The following PMEPA1 variants were observed in gnomAD, a reference collection of about 807,000 sequenced individuals.
PMEPA1 encodes the protein prostate transmembrane protein, androgen induced 1.
In PMEPA1, 11 loss-of-function variants were observed where a neutral mutation model predicts 23.0. The ratio of observed to expected loss-of-function variants is 0.48; its 90% CI spans 0.30 to 0.79. PMEPA1 has a LOEUF of 0.79. Ranked by LOEUF, PMEPA1 falls within the 30% of genes least tolerant of loss-of-function variation. The pLI is 0.06. For missense variants in PMEPA1, 377 were observed against 390.9 expected, an observed-to-expected ratio of 0.96 and a Z score of 0.30; for synonymous variants, 204 against 166.4, an observed-to-expected ratio of 1.23 and a Z score of -1.74.
chr20:57,675,450 G>C (rs1213587838), intron 1 of PMEPA1, among the ~76,000 whole-genome samples: 1 of 152,198 alleles, frequency 6.6e-6, no homozygotes, highest in Non-Finnish European at 1.5e-5. Context: ...CATGACCCAC[G>C]TGCCCCCCAA....
At chr20:57,690,323 A>C in intron 1 of PMEPA1, 18 of 743,050 alleles carry the variant, frequency 2.4e-5, no homozygotes, top group East Asian at 1.3e-4. Flanking sequence ...CACCCCCACC[A>C]CTGCCACCCG....
At chr20:57,662,554 G>T (rs1385749565) in intron 1 of PMEPA1, among the ~76,000 whole-genome samples, 1 of 152,186 alleles carries the variant, frequency 6.6e-6, no homozygotes, top group Non-Finnish European at 1.5e-5. Context: ...TCAGACCCAG[G>T]TCGCTGTGGC....
intron 1 of PMEPA1, among the ~76,000 whole-genome samples, chr20:57,675,552 G>A (rs3795105): frequency 0.15 from 22,142 of 151,686 alleles, 1,861 homozygotes; most frequent in East Asian, 0.27. Context: ...CCACAGGCGG[G>A]GCATTCCTTG....
rs1555882187 is a variant in PMEPA1 at position 57,683,560 on chromosome 20, T to TGTGTGC, written c.110-23864_110-23863insGCACAC. On this transcript the variant is annotated intron_variant, in intron 1 of 3. Transcript: ENST00000341744. This position sits in a 1 kb window ranked among gnomAD's most constrained non-coding sequence, Gnocchi z 4.3. ...TGGTGTTCTGGCCTGTGTGCGTGTG[T>TGTGTGC]GTGTGTGTGTGTGTGTGTGTGTGTT... Among the ~76,000 whole-genome samples the TGTGTGC allele has an allele frequency of 0.042, 4,029 of 95,660 alleles. 173 individuals are homozygous for TGTGTGC. The highest frequency in any genetic ancestry group is 0.11 in the African/African-American group (3,633 of 34,034). The allele number at this position is 95,660 out of a possible 152,430, so 62.8% of individuals were successfully genotyped here.
chr20:57,685,757 C>T (rs2071793062), intron 1 of PMEPA1, among the ~76,000 whole-genome samples: 1 of 152,152 alleles, frequency 6.6e-6, no homozygotes, highest in East Asian at 1.9e-4. Flanking sequence ...ATGTCTCTAA[C>T]ACCTAGTAGC....
Position 57,709,856 on chromosome 20 carries a change from C to G in PMEPA1, c.-274G>C. The G allele has an allele frequency of 1.0e-6, 1 of 986,248 alleles. No homozygotes were observed. Among genetic ancestry groups the G allele is most frequent in the Non-Finnish European group, 1.2e-6 (1 of 832,010 alleles). 61.1% of individuals were successfully genotyped at this position (986,248 alleles called of 1,614,324 possible). A position where few individuals can be genotyped will look rare whatever the true frequency, so the allele number is the denominator to read the frequency against. ...TGGCGTCCGGAAAATGGGCTGGCAG[C>G]GGGGCGCGCGCTGCCGCCGGGGCTG... On this transcript the variant is annotated 5_prime_UTR_variant, in exon 1 of 4. Coordinates refer to ENST00000341744, the MANE Select transcript of PMEPA1 (RefSeq NM_020182.5).
Position 57,684,272 on chromosome 20 carries a change from G to C in PMEPA1, c.110-24575C>G, listed in dbSNP as rs1414123870. On this transcript the variant is annotated intron_variant, in intron 1 of 3. Transcript: ENST00000341744. ...TAATGACAATAGTTTTCACGGGTGG[G>C]GGTCGGGGAGTTAGGGGTCTAGCTG... Among the ~76,000 whole-genome samples the C allele has an allele frequency of 3.3e-5, 5 of 152,150 alleles. No individual in the cohort carries two copies. The East Asian group carries it at 5.8e-4, about 18-fold the overall frequency.
At chr20:57,710,273 C>T, upstream of PMEPA1, 1 of 627,450 alleles carries the variant, frequency 1.6e-6, no homozygotes, top group East Asian at 3.4e-5. Flanking sequence ...ACGCCCGGGG[C>T]CGGGGAGCCG....
chr20:57,690,562 G>T lies in PMEPA1; in HGVS notation c.109+18912C>A, dbSNP rs1453003455. 3 of 1,273,120 alleles carry T rather than the reference G, an allele frequency of 2.4e-6. No individual in the cohort carries two copies. The African/African-American group carries it at 4.6e-5, about 20-fold the overall frequency. The allele number at this position is 1,273,120 out of a possible 1,614,324, so 78.9% of individuals were successfully genotyped here. ...ATTAATTAACTGTAGCAGGAGGCGG[G>T]GTCTCCATTGCTATGGCGGGTGTAG... On this transcript the variant is annotated intron_variant, in intron 1 of 3. Coordinates refer to ENST00000341744, the MANE Select transcript of PMEPA1 (RefSeq NM_020182.5).
intron 1 of PMEPA1, among the ~76,000 whole-genome samples, chr20:57,661,716 AC>A (rs1276439168): frequency 6.6e-6 from 1 of 151,860 alleles, no homozygotes; most frequent in Non-Finnish European, 1.5e-5. Context: ...CACACTCCAA[AC>A]CCGGGGGGCC....
intron 1 of PMEPA1, among the ~76,000 whole-genome samples, chr20:57,665,532 A>G (rs1012057880): frequency 4.0e-5 from 6 of 150,824 alleles, no homozygotes; most frequent in African/African-American, 1.5e-4. Context: ...AAAAGAACCA[A>G]CCGGGGCAGG....
intron 1 of PMEPA1, among the ~76,000 whole-genome samples, chr20:57,687,406 C>A (rs1198843822): frequency 6.6e-6 from 1 of 152,178 alleles, no homozygotes; most frequent in Non-Finnish European, 1.5e-5. Context: ...GCAACCCAAC[C>A]AGGTCAGGAA....
rs1211079291 is a variant in PMEPA1, at chr20:57,649,993, C to G, written c.*2060G>C. 1.3e-5 allele frequency: 2 copies of G among 152,636 alleles called. No homozygotes were observed. The highest frequency in any genetic ancestry group is 4.8e-5 in the African/African-American group (2 of 41,452). 9.5% of individuals were successfully genotyped at this position (152,636 alleles called of 1,614,324 possible). On this transcript the variant is annotated 3_prime_UTR_variant, in exon 4 of 4. Transcript: ENST00000341744. ...ACCTGTACTGATTTCTCTGCAGGAC[C>G]TTTTCAAAGAATCCTCTTCAAGAGA...
chr20:57,690,409 T>C lies in PMEPA1; in HGVS notation c.109+19065A>G, dbSNP rs1476797373. On this transcript the variant is annotated intron_variant, in intron 1 of 3. Transcript: ENST00000341744. The stretch of plus-strand genomic sequence containing the variant: ...AGAAACTTACCTCCATGTGCTGGAA[T>C]TGCAGGCATTTTGACTTTTCGCCTG... The C allele has an allele frequency of 6.1e-6, 8 of 1,301,830 alleles. No individual in the cohort carries two copies. In the African/African-American group the frequency reaches 7.6e-5, roughly 12 times the overall value. 80.6% of individuals were successfully genotyped at this position (1,301,830 alleles called of 1,614,324 possible). A position where few individuals can be genotyped will look rare whatever the true frequency, so the allele number is the denominator to read the frequency against.
Position 57,661,753 on chromosome 20 carries a change from C to T in PMEPA1, c.110-2056G>A, listed in dbSNP as rs199719100. 7.2e-5 allele frequency among the ~76,000 whole-genome samples: 11 copies of T among 152,344 alleles called. No homozygotes were observed. In the East Asian group the frequency reaches 1.7e-3, roughly 24 times the overall value. On this transcript the variant is annotated intron_variant, in intron 1 of 3. Coordinates refer to ENST00000341744, the MANE Select transcript of PMEPA1 (RefSeq NM_020182.5). ...CAGCCATCTCCTGCCACCAGCCTCG[C>T]TCTCCCCAAGGCAGGAAAGCAGCCC...
chr20:57,654,488 C>A (rs758654451), intron 2 of PMEPA1, among the ~76,000 whole-genome samples: 1 of 152,060 alleles, frequency 6.6e-6, no homozygotes, highest in Non-Finnish European at 1.5e-5. Context: ...AAAACTGTCC[C>A]GTCAGGACCG....
intron 1 of PMEPA1, among the ~76,000 whole-genome samples, chr20:57,661,237 G>A (rs1335383343): frequency 2.0e-5 from 3 of 152,192 alleles, no homozygotes; most frequent in Admixed American, 6.5e-5. Flanking sequence ...TGCCTGAGCC[G>A]GGCAGTTTCT....
intron 1 of PMEPA1, among the ~76,000 whole-genome samples, chr20:57,665,584 T>C (rs1171401549): frequency 1.3e-5 from 2 of 151,372 alleles, no homozygotes; most frequent in Non-Finnish European, 2.9e-5. Flanking sequence ...GGACAGAACG[T>C]AGCACACTCA....
In PMEPA1 at chr20:57,652,623, G is replaced by C; in HGVS notation, c.319-25C>G. 1 of 1,445,728 alleles carries C rather than the reference G, an allele frequency of 6.9e-7. No individual in the cohort carries two copies. The highest frequency in any genetic ancestry group is 9.1e-7 in the Non-Finnish European group (1 of 1,101,128). 89.6% of individuals were successfully genotyped at this position (1,445,728 alleles called of 1,614,324 possible). A position where few individuals can be genotyped will look rare whatever the true frequency, so the allele number is the denominator to read the frequency against. Reference sequence around the variant, plus strand: ...GCTGGAGGAAGCAGAGCGGGAGTGAGGGAGGGCGGCTGTCTCAGGTGGGTT... The same window carrying C: ...GCTGGAGGAAGCAGAGCGGGAGTGACGGAGGGCGGCTGTCTCAGGTGGGTT... On this transcript the variant is annotated intron_variant, in intron 3 of 3. Transcript: ENST00000341744. This position sits in a 1 kb window ranked among gnomAD's most constrained non-coding sequence, Gnocchi z 6.1.
Sources: gnomAD v4.1 joint callset for allele counts (sites outside exome capture counted in the v4.1 genomes callset) on GRCh38, gnomAD v4.1.1 for gene constraint, Gnocchi (gnomAD v3.1) non-coding constraint, MANE v1.5 for transcripts, NCBI Gene and HGNC (gene_info 2026-07-23, HGNC 2026-07-21) for gene names.